Variants in PIK3AP1 observed in about 807,000 individuals in gnomAD.
PIK3AP1 encodes the protein phosphoinositide 3-kinase adapter protein 1.
PIK3AP1 carries 21 observed loss-of-function variants against 88.1 expected under a neutral mutation model. That is an observed-to-expected ratio of 0.24 (90% CI 0.17 to 0.34). The LOEUF is 0.34. Ranked by LOEUF, PIK3AP1 falls within the 10% of genes least tolerant of loss-of-function variation. The probability of loss-of-function intolerance (pLI) is 1.00; values close to 1 mark genes in which losing one functional copy is unlikely to be tolerated. For synonymous variants in PIK3AP1, 398 were observed against 400.0 expected (o/e 1.00, Z 0.06); for missense variants, 828 against 1,035.7 (o/e 0.80, Z 2.75).
intron 6 of PIK3AP1, among the ~76,000 whole-genome samples, chr10:96,650,891 G>C (rs2134233582): frequency 6.6e-6 from 1 of 152,334 alleles, no homozygotes; most frequent in South Asian, 2.1e-4. Flanking sequence ...ATTTTATCTA[G>C]AAGGCAACTG....
intron 9 of PIK3AP1, 117 bp from the exon 10 acceptor site, chr10:96,627,022 G>C (rs1319812020): frequency 3.2e-6 from 3 of 938,774 alleles, no homozygotes; most frequent in Non-Finnish European, 5.1e-6. Flanking sequence ...CCTGGCAAAG[G>C]ACTTTCCCCA....
rs770855063 is a variant in PIK3AP1 at position 96,709,884 on chromosome 10, C to A, written c.113G>T (p.Arg38Leu). 13 of 1,613,550 alleles carry A rather than the reference C, an allele frequency of 8.1e-6. No individual in the cohort carries two copies. In the East Asian group the frequency reaches 2.5e-4, roughly 30 times the overall value. Residue 38 changes from arginine (R) to leucine (L), a missense_variant, in exon 2 of 17, where the codon CGC becomes CTC. Physicochemically the swap from Arg to Leu is moderately radical, Grantham distance 102. Transcript: ENST00000339364. The stretch of plus-strand genomic sequence containing the variant: ...CCTGTGAGTCAGTATCTTCTGGCTG[C>A]GGACCTGCCGACTGGACAGGAACAG... ...QTLFLSSRQV[R>L]SQKILTHRLG...
chr10:96,679,649 C>T (rs1843972159), intron 2 of PIK3AP1, among the ~76,000 whole-genome samples: 1 of 152,116 alleles, frequency 6.6e-6, no homozygotes, highest in Admixed American at 6.6e-5. Context: ...ATGCCTTAAA[C>T]ATTAAGGACA....
intron 2 of PIK3AP1, among the ~76,000 whole-genome samples, chr10:96,659,237 C>A (rs960226007): frequency 3.3e-5 from 5 of 152,138 alleles, no homozygotes; most frequent in African/African-American, 1.2e-4. Flanking sequence ...AGAAAGTAAT[C>A]CCATGGACTT....
Position 96,616,624 on chromosome 10 carries a change from T to C in PIK3AP1, c.2014+15A>G. ...CAATGTCCCACACAATGCAGCACCC[T>C]AGGAAGCCACATACCTGTCTGCTTT... is the stretch of plus-strand genomic sequence containing the variant. On this transcript the variant is annotated intron_variant, in intron 13 of 16. Transcript: ENST00000339364. The C allele has an allele frequency of 1.2e-6, 2 of 1,613,098 alleles. No homozygotes were observed. The highest frequency in any genetic ancestry group is 1.7e-6 in the Non-Finnish European group (2 of 1,179,104).
chr10:96,632,781 T>A, intron 8 of PIK3AP1: 4 of 1,407,876 alleles, frequency 2.8e-6, no homozygotes, highest in Non-Finnish European at 3.9e-6. Flanking sequence ...AGGATCGCAA[T>A]GCATAGGTTC....
intron 2 of PIK3AP1, among the ~76,000 whole-genome samples, chr10:96,659,793 C>T (rs1423108765): frequency 6.6e-6 from 1 of 150,808 alleles, no homozygotes; most frequent in Non-Finnish European, 1.5e-5. Flanking sequence ...AAATCAATAA[C>T]CATGAAAAAA....
chr10:96,616,429 T>G (rs557849877), intron 13 of PIK3AP1, among the ~76,000 whole-genome samples: 1 of 152,364 alleles, frequency 6.6e-6, no homozygotes, highest in East Asian at 1.9e-4. Flanking sequence ...GCATGTCTTA[T>G]GTACCAGGTA....
intron 2 of PIK3AP1, among the ~76,000 whole-genome samples, chr10:96,682,511 A>AG (rs1344194035): frequency 1.9e-4 from 29 of 152,364 alleles, no homozygotes; most frequent in Admixed American, 1.3e-3. Flanking sequence ...TCCTCAAGGA[A>AG]GAAATCAAGG....
rs1248994549 is a variant in PIK3AP1, at chr10:96,720,436, G to T, written c.-42C>A. ...CACATCCCTGGCTCGCTGCGTGCCC[G>T]GGGCCGGGACCGGGGCCGGCGGCGT... On this transcript the variant is annotated 5_prime_UTR_variant, in exon 1 of 17. Transcript: ENST00000339364. This position sits in a 1 kb window ranked among gnomAD's most constrained non-coding sequence, Gnocchi z 4.6. 8.1e-7 allele frequency: 1 copy of T among 1,228,216 alleles called. No individual in the cohort carries two copies. 76.1% of individuals were successfully genotyped at this position (1,228,216 alleles called of 1,614,324 possible). A position where few individuals can be genotyped will look rare whatever the true frequency, so the allele number is the denominator to read the frequency against.
intron 2 of PIK3AP1, among the ~76,000 whole-genome samples, chr10:96,666,078 A>T (rs1366619549): frequency 6.6e-6 from 1 of 152,226 alleles, no homozygotes; most frequent in Admixed American, 6.5e-5. Context: ...ACAGAACAAT[A>T]AACATAAAGA....
Position 96,628,492 on chromosome 10 carries a change from A to G in PIK3AP1, c.1377T>C (p.Tyr459=). 6.2e-7 allele frequency: 1 copy of G among 1,606,414 alleles called. No individual in the cohort carries two copies. The highest frequency in any genetic ancestry group is 1.1e-5 in the South Asian group (1 of 90,910). The change falls in exon 9 of 17, where the codon TAT becomes TAC. Residue 459 remains tyrosine (Y), a splice_region_variant and synonymous_variant. Transcript: ENST00000339364. Reference sequence around the variant, plus strand: ...ATGTACTGGCCTGAAGCATTTCAACATCTAGAAGGAAAAGGAGACTAAGAG... The same window carrying G: ...ATGTACTGGCCTGAAGCATTTCAACGTCTAGAAGGAAAAGGAGACTAAGAG... ...AFVPAATEDL[Y]VEMLQASTSN...
Position 96,595,573 on chromosome 10 carries a change from G to A in PIK3AP1, c.*4C>T, listed in dbSNP as rs997003146. On this transcript the variant is annotated 3_prime_UTR_variant, in exon 17 of 17. Coordinates refer to ENST00000339364, the MANE Select transcript of PIK3AP1 (RefSeq NM_152309.3). ...CTGAAGTAGGCAGGTTTTAGGAGGT[G>A]GAATCAGCGTCCTCTGGGTGGAACA... 4.3e-6 allele frequency: 7 copies of A among 1,613,040 alleles called. No homozygotes were observed. In the African/African-American group the frequency reaches 6.7e-5, roughly 15 times the overall value.
intron 2 of PIK3AP1, among the ~76,000 whole-genome samples, chr10:96,693,441 G>GTGGATGGATAGATGGA (rs1554962075): frequency 6.6e-6 from 1 of 150,538 alleles, no homozygotes; most frequent in Non-Finnish European, 1.5e-5. Flanking sequence ...AGATAGATGA[G>GTGGATGGATAGATGGA]TGGATGGATG....
chr10:96,602,690 T>G (rs192746512), intron 15 of PIK3AP1, among the ~76,000 whole-genome samples: 325 of 152,264 alleles, frequency 2.1e-3, no homozygotes, highest in Admixed American at 7.1e-3. Context: ...GGAAGCTTAT[T>G]AGAAATGCCC....
chr10:96,623,671 GAGA>G, intron 10 of PIK3AP1, 134 bp from the exon 11 acceptor site: 1 of 731,366 alleles, frequency 1.4e-6, no homozygotes, highest in Non-Finnish European at 2.3e-6. Context: ...GGCAATTAAT[GAGA>G]AGGACTAGGA....
At chr10:96,713,460 C>T (rs1340614859) in intron 1 of PIK3AP1, among the ~76,000 whole-genome samples, 2 of 142,226 alleles carry the variant, frequency 1.4e-5, no homozygotes, top group Admixed American at 7.2e-5. Flanking sequence ...GCCGAGATTG[C>T]GCCACTGCAC....
At chr10:96,711,738 A>ATTT (rs1564992486) in intron 1 of PIK3AP1, among the ~76,000 whole-genome samples, 4 of 93,976 alleles carry the variant, frequency 4.3e-5, no homozygotes, top group Admixed American at 1.2e-4. Context: ...GAGATTACCA[A>ATTT]ATTTTTTTTT....
chr10:96,696,408 C>T (rs1432881675), intron 2 of PIK3AP1, among the ~76,000 whole-genome samples: 1 of 152,158 alleles, frequency 6.6e-6, no homozygotes, highest in African/African-American at 2.4e-5. Context: ...GACCATATGA[C>T]AAGCCCTATT....
Sources: gnomAD v4.1 joint callset for allele counts (sites outside exome capture counted in the v4.1 genomes callset) on GRCh38, gnomAD v4.1.1 for gene constraint, Gnocchi (gnomAD v3.1) non-coding constraint, MANE v1.5 for transcripts, NCBI Gene and HGNC (gene_info 2026-07-23, HGNC 2026-07-21) for gene names.